NCOA2: variants seen among roughly 807,000 people sequenced by gnomAD.
NCOA2 encodes nuclear receptor coactivator 2, also known as class E basic helix-loop-helix protein 75.
Under a neutral mutation model 145.1 loss-of-function variants are expected in NCOA2, and 21 were observed. The observed-to-expected ratio is 0.14, with a 90% CI of 0.10 to 0.21. The LOEUF is 0.21. NCOA2 is among the 10% of genes least tolerant of loss of function. The pLI is 1.00. For missense variants in NCOA2, 1,472 were observed against 1,837.6 expected (o/e 0.80, Z 3.64); for synonymous variants, 619 against 637.5 (o/e 0.97, Z 0.44).
At position 70,279,290 on chromosome 8, in the gene NCOA2, C is replaced by T. The variant is rs558225229; in HGVS notation, c.-20+17454G>A. Among the ~76,000 whole-genome samples, 5 of 152,152 alleles carry T rather than the reference C, an allele frequency of 3.3e-5. No homozygotes were observed. The South Asian group carries it at 6.2e-4, about 19-fold the overall frequency. On this transcript the variant is annotated intron_variant, in intron 2 of 22. Transcript: ENST00000452400. ...TATTTCCTACCTTTTTTTCAATATG[C>T]CATCACCTCCACAATGACATACACT...
the NCOA2 span, among the ~76,000 whole-genome samples, chr8:70,415,465 T>C: frequency 6.6e-6 from 1 of 152,188 alleles, no homozygotes; most frequent in Non-Finnish European, 1.5e-5. Flanking sequence ...AAGAAAACCC[T>C]TAGAATACGA....
At chr8:70,218,556 C>A (rs754063584) in intron 2 of NCOA2, among the ~76,000 whole-genome samples, 1 of 152,152 alleles carries the variant, frequency 6.6e-6, no homozygotes, top group African/African-American at 2.4e-5. Context: ...TGGAGACCAG[C>A]CTGAACAACG....
the NCOA2 span, among the ~76,000 whole-genome samples, chr8:70,437,145 T>C: frequency 6.6e-6 from 1 of 152,228 alleles, no homozygotes; most frequent in East Asian, 1.9e-4. Flanking sequence ...GATTTCTACA[T>C]ATGCTATTCC....
At chr8:70,172,808 G>A (rs1814401719) in intron 5 of NCOA2, among the ~76,000 whole-genome samples, 1 of 152,136 alleles carries the variant, frequency 6.6e-6, no homozygotes, top group African/African-American at 2.4e-5. Context: ...AGACTGACTT[G>A]AGGTATAATA....
chr8:70,340,558 C>T (rs1261573557), intron 1 of NCOA2, among the ~76,000 whole-genome samples: 3 of 152,114 alleles, frequency 2.0e-5, no homozygotes, highest in Non-Finnish European at 4.4e-5. Flanking sequence ...GACCTAGAGT[C>T]AGAAATACCA....
chr8:70,202,760 A>C (rs1195787807), intron 4 of NCOA2, among the ~76,000 whole-genome samples: 1 of 152,232 alleles, frequency 6.6e-6, no homozygotes, highest in Non-Finnish European at 1.5e-5. Context: ...TCCACTGTAC[A>C]ACAATGTGCA....
intron 1 of NCOA2, among the ~76,000 whole-genome samples, chr8:70,377,599 G>A (rs1321574902): frequency 6.6e-6 from 1 of 152,056 alleles, no homozygotes; most frequent in Non-Finnish European, 1.5e-5. Context: ...AAATCAAACT[G>A]TCTTTTATGC....
At chr8:70,390,461 C>A (rs557047900) in intron 1 of NCOA2, among the ~76,000 whole-genome samples, 39 of 152,202 alleles carry the variant, frequency 2.6e-4, no homozygotes, top group South Asian at 2.1e-3. Context: ...GTTTTTCTAT[C>A]TACAATTAAG....
Position 70,128,870 on chromosome 8 carries a change from C to T in NCOA2, c.3435G>A (p.Gln1145=), listed in dbSNP as rs957695262. ...GATCTTGCATGGGAGAATAGCTACC[C>T]TGGGCCATTTGTGCCTGAGATGCAT... is the stretch of plus-strand genomic sequence containing the variant. ...QQYASQAQMA[Q]GSYSPMQDPN... Residue 1145 remains glutamine, a synonymous_variant, in exon 17 of 23, where the codon CAG becomes CAA. Transcript: ENST00000452400. 5.6e-6 allele frequency: 9 copies of T among 1,613,884 alleles called. No homozygotes were observed. The African/African-American group carries it at 1.2e-4, about 22-fold the overall frequency.
intron 1 of NCOA2, among the ~76,000 whole-genome samples, chr8:70,336,146 A>G (rs1807568637): frequency 6.6e-6 from 1 of 152,180 alleles, no homozygotes; most frequent in Non-Finnish European, 1.5e-5. Flanking sequence ...TGGAACTGGC[A>G]GCATGGTAGG....
intron 2 of NCOA2, among the ~76,000 whole-genome samples, chr8:70,269,690 AC>A (rs1366515145): frequency 6.6e-6 from 1 of 152,186 alleles, no homozygotes; most frequent in Non-Finnish European, 1.5e-5. Context: ...CCAATTTTTC[AC>A]TAAGACAAAC....
At chr8:70,424,560 G>A in the NCOA2 span, 1 of 521,642 alleles carries the variant, frequency 1.9e-6, no homozygotes, top group African/African-American at 1.9e-5. Flanking sequence ...GAATTTCTCA[G>A]GGATCACAAG....
intron 1 of NCOA2, among the ~76,000 whole-genome samples, chr8:70,363,166 G>A (rs374157433): frequency 8.0e-5 from 12 of 150,418 alleles, no homozygotes; most frequent in African/African-American, 1.5e-4. Context: ...GGTGGATCAC[G>A]AGGTCAGGAG....
intron 1 of NCOA2, among the ~76,000 whole-genome samples, chr8:70,347,723 A>T (rs1336261993): frequency 6.6e-6 from 1 of 152,162 alleles, no homozygotes; most frequent in East Asian, 1.9e-4. Context: ...GCTACAGCAC[A>T]ATCAATCAAT....
intron 1 of NCOA2, among the ~76,000 whole-genome samples, chr8:70,365,451 T>G (rs1159883384): frequency 6.6e-6 from 1 of 152,204 alleles, no homozygotes; most frequent in Non-Finnish European, 1.5e-5. Context: ...AATCTACATA[T>G]AGCCAAATTT....
the NCOA2 span, among the ~76,000 whole-genome samples, chr8:70,417,860 T>C: frequency 1.3e-5 from 2 of 152,176 alleles, no homozygotes; most frequent in African/African-American, 4.8e-5. Flanking sequence ...CCCCTGGCAA[T>C]CAGAATAAAT....
At position 70,163,577 on chromosome 8, in the gene NCOA2, A is replaced by G. The variant is rs1162964489; in HGVS notation, c.731-11T>C. ...AGCAGGACTGCAAATCTTAAACCACACATGTTTACATTTATCATATTGGGC... is the reference window on the plus strand; with the variant it reads ...AGCAGGACTGCAAATCTTAAACCACGCATGTTTACATTTATCATATTGGGC... On this transcript the variant is annotated splice_polypyrimidine_tract_variant and intron_variant, in intron 7 of 22. Transcript: ENST00000452400. 1 of 1,602,206 alleles carries G rather than the reference A, an allele frequency of 6.2e-7. No individual in the cohort carries two copies. Among genetic ancestry groups the G allele is most frequent in the South Asian group, 1.1e-5 (1 of 90,600 alleles).
At chr8:70,422,124 A>G in the NCOA2 span, among the ~76,000 whole-genome samples, 3 of 152,080 alleles carry the variant, frequency 2.0e-5, no homozygotes, top group East Asian at 5.8e-4. Flanking sequence ...ATATAAACAA[A>G]CCACCAAAAA....
At chr8:70,336,580 T>C (rs1029122357) in intron 1 of NCOA2, among the ~76,000 whole-genome samples, 11 of 150,834 alleles carry the variant, frequency 7.3e-5, no homozygotes, top group Non-Finnish European at 1.3e-4. Context: ...AAGGCACATC[T>C]TACATGGTGG....
Sources: allele counts gnomAD v4.1 joint callset (sites outside exome capture counted in the v4.1 genomes callset), GRCh38; gene constraint gnomAD v4.1.1; transcripts MANE v1.5; gene names NCBI Gene and HGNC (gene_info 2026-07-23, HGNC 2026-07-21).